Variants in USH2A observed in about 807,000 individuals in gnomAD.
USH2A encodes the protein usherin.
USH2A carries 443 observed loss-of-function variants against 538.9 expected under a neutral mutation model. The ratio of observed to expected loss-of-function variants is 0.82; its 90% CI spans 0.76 to 0.89. The LOEUF (loss-of-function observed/expected upper bound fraction) is 0.89, where lower values mean the gene tolerates loss of function less well. Among genes scored for constraint, USH2A ranks in the 40% least tolerant of loss-of-function variants. The pLI is 0.00. For synonymous variants in USH2A, 2,413 were observed against 2,273.5 expected, an observed-to-expected ratio of 1.06 and a Z score of -1.75; for missense variants, 6,633 against 6,324.8, an observed-to-expected ratio of 1.05 and a Z score of -1.65.
chr1:215,724,376 G>A (rs575830964), intron 61 of USH2A, among the ~76,000 whole-genome samples: 62 of 145,496 alleles, frequency 4.3e-4, no homozygotes, highest in African/African-American at 1.5e-3. Context: ...GTCAAATACC[G>A]CACGTTCTCA....
At chr1:215,903,055 G>A (rs1349969121) in intron 38 of USH2A, among the ~76,000 whole-genome samples, 3 of 152,000 alleles carry the variant, frequency 2.0e-5, no homozygotes, top group Non-Finnish European at 4.4e-5. Context: ...GGCCTCTCTA[G>A]GAAAGGATAC....
chr1:215,626,598 A>G (rs892199741), intron 71 of USH2A, among the ~76,000 whole-genome samples: 29 of 152,256 alleles, frequency 1.9e-4, no homozygotes, highest in Non-Finnish European at 2.9e-5. Context: ...TGGCACCTTC[A>G]AAAGCTTGTT....
At chr1:216,019,347 G>GT (rs1298000617) in intron 32 of USH2A, among the ~76,000 whole-genome samples, 2 of 152,116 alleles carry the variant, frequency 1.3e-5, no homozygotes, top group Non-Finnish European at 2.9e-5. Flanking sequence ...AGTGAAGGAA[G>GT]TAATACTAAA....
chr1:216,415,415 C>A (rs74141596), intron 3 of USH2A, among the ~76,000 whole-genome samples: 2 of 151,670 alleles, frequency 1.3e-5, no homozygotes, highest in African/African-American at 4.8e-5. Context: ...AAACAACTAT[C>A]ATATGGATTC....
chr1:216,219,795 A>G (rs779292487), intron 14 of USH2A, among the ~76,000 whole-genome samples: 2 of 152,164 alleles, frequency 1.3e-5, no homozygotes, highest in Non-Finnish European at 2.9e-5. Flanking sequence ...TGGATTTCAT[A>G]AAGAGTAATC....
chr1:216,207,237 G>T, intron 16 of USH2A, 36 bp downstream of exon 16: 1 of 1,612,174 alleles, frequency 6.2e-7, no homozygotes, highest in Non-Finnish European at 8.5e-7. Flanking sequence ...TCAATTCTCA[G>T]AATATTTATT....
chr1:216,164,027 A>G (rs956545938), intron 21 of USH2A, among the ~76,000 whole-genome samples: 4 of 152,098 alleles, frequency 2.6e-5, no homozygotes, highest in South Asian at 2.1e-4. Context: ...TGGAGACAGA[A>G]GTCACTTGTA....
intron 14 of USH2A, among the ~76,000 whole-genome samples, chr1:216,228,189 G>A (rs1032254254): frequency 6.6e-6 from 1 of 152,192 alleles, no homozygotes; most frequent in African/African-American, 2.4e-5. Flanking sequence ...TTGAGAAATA[G>A]AGAAATTATA....
In USH2A at chr1:216,084,977, TCTCA is replaced by T. The variant is rs1307443026; in HGVS notation, c.4988-104_4988-101del. ...TAAAGTCAAAGAAATAGGCACTAGC[TCTCA>T]CTACCTATTTACTGCAAGCCTCTTA... is the stretch of plus-strand genomic sequence containing the variant. On this transcript the variant is annotated intron_variant, in intron 24 of 71. Transcript: ENST00000307340. 366 of 1,115,442 alleles carry T rather than the reference TCTCA, an allele frequency of 3.3e-4. 1 individual carries two copies. The highest frequency in any genetic ancestry group is 4.6e-5 in the Non-Finnish European group (35 of 757,738). The allele number at this position is 1,115,442 out of a possible 1,614,324, so 69.1% of individuals were successfully genotyped here.
chr1:215,739,777 T>G (rs936737279), intron 60 of USH2A, among the ~76,000 whole-genome samples: 1 of 152,220 alleles, frequency 6.6e-6, no homozygotes, highest in African/African-American at 2.4e-5. Flanking sequence ...GTAATTTTTT[T>G]CTATAAGCCC....
chr1:215,990,830 C>T (rs1435451121), intron 35 of USH2A, among the ~76,000 whole-genome samples: 2 of 134,828 alleles, frequency 1.5e-5, no homozygotes, highest in East Asian at 2.3e-4. Context: ...GGTGTGATCT[C>T]GGCTCACCGC....
chr1:216,132,924 G>A (rs1323396922), intron 21 of USH2A, among the ~76,000 whole-genome samples: 2 of 152,032 alleles, frequency 1.3e-5, no homozygotes, highest in African/African-American at 4.8e-5. Context: ...AGCTTAATGT[G>A]TTTTCTTTCC....
Position 216,092,049 on chromosome 1 carries a change from AT to A in USH2A, c.4759-2911del, listed in dbSNP as rs2032314433. Among the ~76,000 whole-genome samples, 4 of 152,322 alleles carry A rather than the reference AT, an allele frequency of 2.6e-5. No homozygotes were observed. The East Asian group carries it at 5.8e-4, about 22-fold the overall frequency. On this transcript the variant is annotated intron_variant, in intron 22 of 71. Transcript: ENST00000307340. ...TCTAATTTTTTCAAAATAAAAAAAA[AT>A]AAAACAAACATCACAAAATATCTGT...
At chr1:216,020,003 A>G (rs1017815479) in intron 32 of USH2A, among the ~76,000 whole-genome samples, 1 of 152,192 alleles carries the variant, frequency 6.6e-6, no homozygotes, top group African/African-American at 2.4e-5. Flanking sequence ...CCATTATAAG[A>G]TATTTAATGG....
Position 215,640,844 on chromosome 1 carries a change from C to CAAAAAAA in USH2A, c.14792-117_14792-111dup, listed in dbSNP as rs56212994. ...CAAAATCAAACCGAACCAATCCAAA[C>CAAAAAAA]AAAAAAAAAAAAAAAAAAGAAAACC... On this transcript the variant is annotated intron_variant, in intron 67 of 71. Coordinates refer to ENST00000307340, the MANE Select transcript of USH2A (RefSeq NM_206933.4). 2.9e-4 allele frequency: 142 copies of CAAAAAAA among 496,692 alleles called. 1 individual carries two copies. Among genetic ancestry groups the CAAAAAAA allele is most frequent in the South Asian group, 1.4e-3 (54 of 37,660 alleles). The allele number at this position is 496,692 out of a possible 1,614,324, so 30.8% of individuals were successfully genotyped here.
chr1:215,906,839 G>A (rs763547461), intron 38 of USH2A, among the ~76,000 whole-genome samples: 5 of 151,944 alleles, frequency 3.3e-5, no homozygotes, highest in African/African-American at 9.7e-5. Context: ...TTGTGTTTTC[G>A]TAGGTATGTC....
chr1:216,153,511 C>A (rs1182341326), intron 21 of USH2A, among the ~76,000 whole-genome samples: 1 of 152,156 alleles, frequency 6.6e-6, no homozygotes, highest in Non-Finnish European at 1.5e-5. Context: ...TCCTATGATC[C>A]AACAGAGATC....
intron 21 of USH2A, among the ~76,000 whole-genome samples, chr1:216,138,999 A>G (rs1446971299): frequency 1.3e-5 from 2 of 151,792 alleles, no homozygotes; most frequent in Non-Finnish European, 2.9e-5. Context: ...TCTAGTTTCT[A>G]TGTCCCACTC....
intron 9 of USH2A, among the ~76,000 whole-genome samples, chr1:216,307,464 G>A (rs2037340114): frequency 6.6e-6 from 1 of 152,122 alleles, no homozygotes; most frequent in Non-Finnish European, 1.5e-5. Flanking sequence ...GGTGAACAGG[G>A]CTGAGGACTT....
Sources: gnomAD v4.1 joint callset for allele counts (sites outside exome capture counted in the v4.1 genomes callset) on GRCh38, gnomAD v4.1.1 for gene constraint, MANE v1.5 for transcripts, NCBI Gene and HGNC (gene_info 2026-07-23, HGNC 2026-07-21) for gene names.